RAPGEF3: variants seen among roughly 807,000 people sequenced by gnomAD.
The protein encoded by RAPGEF3 is 9330170P05Rik.
RAPGEF3 carries 103 observed loss-of-function variants against 129.8 expected under a neutral mutation model. That is an observed-to-expected ratio of 0.79 (90% CI 0.68 to 0.93). RAPGEF3 has a LOEUF of 0.93. RAPGEF3 is among the 40% of genes least tolerant of loss of function. The pLI is 0.00. For synonymous variants in RAPGEF3, 436 were observed against 482.6 expected (o/e 0.90, Z 1.26); for missense variants, 1,117 against 1,207.4 (o/e 0.93, Z 1.11).
At position 47,748,635 on chromosome 12, in the gene RAPGEF3, C is replaced by T. The variant is rs757281; in HGVS notation, c.1155-93G>A. ...AATAATCAATTACATCATTTTTCTC[C>T]ATTAGCCAGCCCTGTCCCACCTTAG... On this transcript the variant is annotated intron_variant, in intron 11 of 27. Transcript: ENST00000449771. 6.7e-4 allele frequency: 829 copies of T among 1,240,888 alleles called. 16 individuals are homozygous for T. The Admixed American group carries it at 0.015, about 22-fold the overall frequency. The allele number at this position is 1,240,888 out of a possible 1,614,324, so 76.9% of individuals were successfully genotyped here.
chr12:47,746,641 G>A (rs1000666736), intron 16 of RAPGEF3: 3 of 714,358 alleles, frequency 4.2e-6, no homozygotes, highest in Admixed American at 2.0e-5. Context: ...CAGGGAGTGG[G>A]CGAGGAGGGA....
intron 16 of RAPGEF3, chr12:47,745,730 G>A (rs1383168423): frequency 6.6e-6 from 1 of 152,190 alleles, no homozygotes; most frequent in Non-Finnish European, 1.5e-5. Context: ...GCACATCACG[G>A]GTTGTTGAAC....
At chr12:47,738,973 TA>T in intron 24 of RAPGEF3, 169 bp downstream of exon 24, 1 of 702,124 alleles carries the variant, frequency 1.4e-6, no homozygotes, top group South Asian at 1.8e-5. Context: ...TAAGAACTCC[TA>T]ATTCATCTCT....
intron 1 of RAPGEF3, 114 bp downstream of exon 1, chr12:47,758,434 TCTC>T: frequency 2.6e-6 from 4 of 1,566,308 alleles, no homozygotes; most frequent in Non-Finnish European, 3.5e-6. Flanking sequence ...CTTAAACCCT[TCTC>T]CTCTCCTCCT....
intron 2 of RAPGEF3, 66 bp from the exon 3 acceptor site, chr12:47,752,035 C>G: frequency 6.5e-7 from 1 of 1,539,832 alleles, no homozygotes; most frequent in East Asian, 2.3e-5. Context: ...TGGATACCTC[C>G]CCTCCCCCAT....
chr12:47,755,841 G>A (rs1376754671), intron 2 of RAPGEF3: 1 of 152,216 alleles, frequency 6.6e-6, no homozygotes, highest in Non-Finnish European at 1.5e-5. Context: ...CCTTCACCAT[G>A]GGCGTGCATG....
Position 47,751,034 on chromosome 12 carries a change from G to C in RAPGEF3, c.671+14C>G. 6.3e-7 allele frequency: 1 copy of C among 1,594,986 alleles called. No individual in the cohort carries two copies. The highest frequency in any genetic ancestry group is 1.1e-5 in the South Asian group (1 of 87,338). ...TGAGGCCTGGGGTCACGGGGTGCAGGGATTCTGACTCACGGCTTTCGAAGT... is the reference window on the plus strand; with the variant it reads ...TGAGGCCTGGGGTCACGGGGTGCAGCGATTCTGACTCACGGCTTTCGAAGT... On this transcript the variant is annotated intron_variant, in intron 6 of 27. Transcript: ENST00000449771.
At chr12:47,739,420 T>G (rs1208568172) in intron 23 of RAPGEF3, 190 bp from the exon 24 acceptor site, 2 of 704,508 alleles carry the variant, frequency 2.8e-6, no homozygotes, top group African/African-American at 1.7e-5. Flanking sequence ...CCATTAGCAC[T>G]GAGAAAATTC....
At chr12:47,754,648 A>G (rs1298362023) in intron 2 of RAPGEF3, among the ~76,000 whole-genome samples, 1 of 152,200 alleles carries the variant, frequency 6.6e-6, no homozygotes, top group Admixed American at 6.5e-5. Flanking sequence ...AGTACTTGGA[A>G]TGGTGCCTGG....
chr12:47,757,086 G>C (rs1387524162), intron 2 of RAPGEF3, among the ~76,000 whole-genome samples: 2 of 152,184 alleles, frequency 1.3e-5, no homozygotes, highest in East Asian at 3.8e-4. Context: ...TTGGGCCTAG[G>C]AGTTCAAGAC....
chr12:47,740,783 C>T lies in RAPGEF3; in HGVS notation c.2090G>A (p.Arg697Gln), dbSNP rs375616623. ...CTCCAGGTTGGCGGTGGTGACATCC[C>T]GCAGATGCTGGGGGCCCAGCACATA... ...IHYVLGPQHLRDVTTANLERF... is the reference protein window; with the variant it reads ...IHYVLGPQHLQDVTTANLERF... The change falls in exon 21 of 28, where the codon CGG becomes CAG. Residue 697 changes from arginine to glutamine, a missense_variant. Physicochemically the swap from Arg to Gln is conservative, Grantham distance 43 (BLOSUM62 1). Transcript: ENST00000449771. 3.1e-6 allele frequency: 5 copies of T among 1,613,910 alleles called. No homozygotes were observed. The highest frequency in any genetic ancestry group is 2.7e-5 in the African/African-American group (2 of 74,938).
chr12:47,749,689 C>A lies in RAPGEF3; in HGVS notation c.894+52G>T. 1 of 1,608,844 alleles carries A rather than the reference C, an allele frequency of 6.2e-7. No homozygotes were observed. Among genetic ancestry groups the A allele is most frequent in the South Asian group, 1.1e-5 (1 of 90,836 alleles). The stretch of plus-strand genomic sequence containing the variant: ...AGGCACTGCCCATGAGGACATGGAC[C>A]AGGGAGCAGTTAGGACCCAGGGCAC... On this transcript the variant is annotated intron_variant, in intron 9 of 27. Coordinates refer to ENST00000449771, the MANE Select transcript of RAPGEF3 (RefSeq NM_001098531.4). The surrounding 1 kb of genome is among the most constrained non-coding windows in gnomAD (Gnocchi z 4.5).
Position 47,748,090 on chromosome 12 carries a change from C to T in RAPGEF3, c.1306G>A (p.Ala436Thr), listed in dbSNP as rs141880710. The T allele has an allele frequency of 1.8e-3, 2,933 of 1,586,784 alleles. 2 individuals are homozygous for T. Among genetic ancestry groups the T allele is most frequent in the Non-Finnish European group, 2.3e-3 (2,676 of 1,165,976 alleles). ...GAAGGATATTGGTGCAGAAGGGCAGCGCAGAGTTGGGCGCTGGGCATGAAG... is the reference window on the plus strand; with the variant it reads ...GAAGGATATTGGTGCAGAAGGGCAGTGCAGAGTTGGGCGCTGGGCATGAAG... ...RVFMPSAQLCAALLHHFHVEP... is the reference protein window; with the variant it reads ...RVFMPSAQLCTALLHHFHVEP... The change falls in exon 13 of 28, where the codon GCT (alanine) becomes ACT (threonine). Residue 436 changes from alanine (A) to threonine (T), a missense_variant. Coordinates refer to ENST00000449771, the MANE Select transcript of RAPGEF3 (RefSeq NM_001098531.4).
intron 16 of RAPGEF3, chr12:47,745,402 T>C (rs1485748854): frequency 6.6e-6 from 1 of 152,254 alleles, no homozygotes; most frequent in African/African-American, 2.4e-5. Flanking sequence ...TTTGCACTGC[T>C]CTTAGGACAA....
In RAPGEF3 at chr12:47,750,196, G is replaced by A. The variant is rs567975659; in HGVS notation, c.756+145C>T. ...CGGAAGGATTTTCAGACAGGGCAGC[G>A]CCGGGGGCAAGAAATCAGACTGAAA... is the stretch of plus-strand genomic sequence containing the variant. On this transcript the variant is annotated intron_variant, in intron 7 of 27. Coordinates refer to ENST00000449771, the MANE Select transcript of RAPGEF3 (RefSeq NM_001098531.4). The A allele has an allele frequency of 8.5e-5, 91 of 1,073,700 alleles. No individual in the cohort carries two copies. In the East Asian group the frequency reaches 1.8e-3, roughly 21 times the overall value. 66.5% of individuals were successfully genotyped at this position (1,073,700 alleles called of 1,614,324 possible).
chr12:47,750,874 G>T (rs1043209131), intron 6 of RAPGEF3, among the ~76,000 whole-genome samples, 174 bp downstream of exon 6: 4 of 152,208 alleles, frequency 2.6e-5, no homozygotes, highest in Non-Finnish European at 5.9e-5. Context: ...GAGTGTGGAG[G>T]GATCCAGGTC....
intron 17 of RAPGEF3, 51 bp from the exon 18 acceptor site, chr12:47,743,727 C>G: frequency 6.3e-7 from 1 of 1,583,228 alleles, no homozygotes; most frequent in Non-Finnish European, 8.6e-7. Context: ...GATCTCCACC[C>G]CAGGAGGGAG....
chr12:47,751,171 C>A lies in RAPGEF3; in HGVS notation c.548G>T (p.Arg183Leu), dbSNP rs547271430. 6.4e-7 allele frequency: 1 copy of A among 1,554,618 alleles called. No individual in the cohort carries two copies. The highest frequency in any genetic ancestry group is 1.2e-5 in the South Asian group (1 of 84,314). Residue 183 changes from arginine to leucine, a missense_variant, in exon 6 of 28, where the codon CGG becomes CTG. Physicochemically the swap from Arg to Leu is moderately radical, Grantham distance 102 (BLOSUM62 -2). This residue lies in a region of RAPGEF3 where 367 missense variants were observed against 373.4 expected (regional missense o/e 0.98). Coordinates refer to ENST00000449771, the MANE Select transcript of RAPGEF3 (RefSeq NM_001098531.4). ...GGGCTCGGGCTCGGGCCCGGGGAAC[C>A]GGTAGAATTGGGCATCTCGGTCCTG... The part of the protein sequence containing the change: ...AFQDRDAQFY[R>L]FPGPEPEPVR...
chr12:47,758,183 T>C, intron 1 of RAPGEF3, 105 bp from the exon 2 acceptor site: 1 of 1,459,380 alleles, frequency 6.9e-7, no homozygotes, highest in Non-Finnish European at 9.0e-7. Context: ...TCCTCTGGAC[T>C]GGTCAGGCGG....
Sources: allele counts gnomAD v4.1 joint callset (sites outside exome capture counted in the v4.1 genomes callset), GRCh38; gene constraint gnomAD v4.1.1; regional missense constraint gnomAD v4.1.1; non-coding constraint Gnocchi (gnomAD v3.1); transcripts MANE v1.5; gene names NCBI Gene and HGNC (gene_info 2026-07-23, HGNC 2026-07-21).